ATG4C: variants seen among roughly 807,000 people sequenced by gnomAD.
ATG4C encodes autophagy related 4C cysteine peptidase.
A neutral mutation model predicts 57.6 loss-of-function variants in ATG4C; 56 were observed. That is an observed-to-expected ratio of 0.97 (90% CI 0.78 to 1.21). The LOEUF is 1.21. Among genes scored for constraint, ATG4C ranks in the 50% most tolerant of loss-of-function variants. The pLI is 0.00. For synonymous variants in ATG4C, 157 were observed against 174.1 expected (o/e 0.90, Z 0.78); for missense variants, 595 against 529.8 (o/e 1.12, Z -1.21).
intron 5 of ATG4C, 69 bp downstream of exon 5, chr1:62,819,404 A>C (rs1055418888): frequency 3.1e-6 from 4 of 1,271,416 alleles, no homozygotes; most frequent in Non-Finnish European, 4.3e-6. Flanking sequence ...TGATTTTTGC[A>C]ATGTGTATAT....
intron 1 of ATG4C, among the ~76,000 whole-genome samples, chr1:62,798,788 GCA>G (rs1346605241): frequency 7.2e-5 from 11 of 152,042 alleles, no homozygotes; most frequent in Non-Finnish European, 1.6e-4. Context: ...GGGATTACAG[GCA>G]TGCACCACCA....
At chr1:62,834,600 T>A (rs1665940431) in intron 8 of ATG4C, among the ~76,000 whole-genome samples, 176 bp from the exon 9 acceptor site, 1 of 152,094 alleles carries the variant, frequency 6.6e-6, no homozygotes, top group Admixed American at 6.6e-5. Context: ...ACAAGCATAT[T>A]TGATTATGCA....
intron 3 of ATG4C, among the ~76,000 whole-genome samples, chr1:62,810,316 G>C (rs1665040811): frequency 2.0e-5 from 3 of 152,130 alleles, no homozygotes; most frequent in South Asian, 4.1e-4. Flanking sequence ...TAAATAATTA[G>C]AAAAATATTC....
chr1:62,859,393 G>C (rs1045507398), intron 10 of ATG4C, among the ~76,000 whole-genome samples: 2 of 152,164 alleles, frequency 1.3e-5, no homozygotes, highest in African/African-American at 4.8e-5. Flanking sequence ...CTGAATACTA[G>C]AGGCAATTAT....
At position 62,864,280 on chromosome 1, in the gene ATG4C, A is replaced by C; in HGVS notation, c.*121A>C. 1.2e-6 allele frequency: 1 copy of C among 814,356 alleles called. No homozygotes were observed. Among genetic ancestry groups the C allele is most frequent in the Non-Finnish European group, 1.8e-6 (1 of 541,254 alleles). The allele number at this position is 814,356 out of a possible 1,614,324, so 50.4% of individuals were successfully genotyped here. ...CTTAATTTTATATGTTCTTTAAAAA[A>C]GAACATTTGAAAATATAACAGTTAA... On this transcript the variant is annotated 3_prime_UTR_variant, in exon 11 of 11. Coordinates refer to ENST00000317868, the MANE Select transcript of ATG4C (RefSeq NM_032852.4).
rs556336223 is a variant in ATG4C, at chr1:62,819,073, A to C, written c.463A>C (p.Lys155Gln). Residue 155 changes from lysine (K) to glutamine (Q), a missense_variant, in exon 5 of 11, where the codon AAA becomes CAA. Physicochemically the swap from Lys to Gln is moderately conservative, Grantham distance 53. Transcript: ENST00000317868. ...DSESWTSHTVKKFTASFEASL... is the reference protein window; with the variant it reads ...DSESWTSHTVQKFTASFEASL... ...TGAATCATGGACTTCCCACACTGTC[A>C]AAAAATTTACTGCATCATTTGAAGC... is the stretch of plus-strand genomic sequence containing the variant. 1.0e-4 allele frequency: 167 copies of C among 1,608,278 alleles called. 1 individual carries two copies. In the South Asian group the frequency reaches 1.8e-3, roughly 17 times the overall value.
chr1:62,861,971 T>G (rs1666873290), intron 10 of ATG4C, among the ~76,000 whole-genome samples: 1 of 152,214 alleles, frequency 6.6e-6, no homozygotes, highest in Admixed American at 6.5e-5. Flanking sequence ...CTTTTCACAT[T>G]TTAAACTTTT....
chr1:62,861,576 A>AAC (rs57225222), intron 10 of ATG4C, among the ~76,000 whole-genome samples: 4,572 of 133,334 alleles, frequency 0.034, 62 homozygotes, highest in African/African-American at 0.047. Flanking sequence ...TGGAAAATAG[A>AAC]ACACACACAC....
intron 10 of ATG4C, among the ~76,000 whole-genome samples, chr1:62,860,382 G>A (rs376434855): frequency 1.3e-5 from 2 of 152,302 alleles, no homozygotes; most frequent in South Asian, 4.1e-4. Context: ...CAAATATTAT[G>A]TACTGTACAT....
chr1:62,834,485 C>T (rs531949987), intron 8 of ATG4C, among the ~76,000 whole-genome samples: 7 of 152,152 alleles, frequency 4.6e-5, no homozygotes, highest in African/African-American at 1.7e-4. Flanking sequence ...AAGTGCAATA[C>T]ATTTTTCATA....
chr1:62,828,662 C>A (rs1665744541), intron 6 of ATG4C, among the ~76,000 whole-genome samples: 1 of 152,122 alleles, frequency 6.6e-6, no homozygotes, highest in African/African-American at 2.4e-5. Context: ...TTAATTAGAT[C>A]CCATTTGTCA....
At chr1:62,787,378 T>G (rs1261268701) in intron 1 of ATG4C, among the ~76,000 whole-genome samples, 1 of 152,214 alleles carries the variant, frequency 6.6e-6, no homozygotes, top group African/African-American at 2.4e-5. Context: ...AACTGAATAA[T>G]GCAGTTACAT....
intron 9 of ATG4C, among the ~76,000 whole-genome samples, chr1:62,839,163 A>G (rs934853444): frequency 2.0e-5 from 3 of 152,284 alleles, no homozygotes; most frequent in East Asian, 1.9e-4. Context: ...GGCTTACGCA[A>G]TTCTCCCACC....
At chr1:62,821,950 A>T (rs918077728) in intron 6 of ATG4C, among the ~76,000 whole-genome samples, 1 of 152,112 alleles carries the variant, frequency 6.6e-6, no homozygotes, top group Non-Finnish European at 1.5e-5. Context: ...TCACATGTAG[A>T]ATTTTTCACT....
intron 1 of ATG4C, among the ~76,000 whole-genome samples, chr1:62,785,036 G>A (rs1382643899): frequency 6.6e-6 from 1 of 152,194 alleles, no homozygotes. Context: ...CTACCCTATA[G>A]TTACAGAAGA....
intron 6 of ATG4C, among the ~76,000 whole-genome samples, chr1:62,821,597 A>T (rs980108185): frequency 6.6e-6 from 1 of 152,146 alleles, no homozygotes; most frequent in African/African-American, 2.4e-5. Flanking sequence ...CTAATACTTC[A>T]GTAAATCATC....
chr1:62,850,888 A>G (rs193289377), intron 10 of ATG4C, among the ~76,000 whole-genome samples: 4,598 of 90,124 alleles, frequency 0.051, 385 homozygotes, highest in Middle Eastern at 0.11. Context: ...ATATATATAT[A>G]TATATATATA....
At chr1:62,793,438 C>A (rs1288468168) in intron 1 of ATG4C, among the ~76,000 whole-genome samples, 1 of 150,584 alleles carries the variant, frequency 6.6e-6, no homozygotes, top group Non-Finnish European at 1.5e-5. Flanking sequence ...ATGGCAAAAC[C>A]CCATCTCTAC....
chr1:62,810,671 A>G (rs191219923), intron 3 of ATG4C, among the ~76,000 whole-genome samples: 164 of 151,022 alleles, frequency 1.1e-3, no homozygotes, highest in South Asian at 8.2e-3. Context: ...TGTACTTTTC[A>G]GTATCAGATA....
Sources: gnomAD v4.1 joint callset for allele counts (sites outside exome capture counted in the v4.1 genomes callset) on GRCh38, gnomAD v4.1.1 for gene constraint, MANE v1.5 for transcripts, NCBI Gene and HGNC (gene_info 2026-07-23, HGNC 2026-07-21) for gene names.